The following MTMR8 variants were observed in gnomAD, a reference collection of about 807,000 sequenced individuals.
The protein encoded by MTMR8 is phosphatidylinositol-3,5-bisphosphate 3-phosphatase MTMR8.
Under a neutral mutation model 39.3 loss-of-function variants are expected in MTMR8, and 65 were observed. That is an observed-to-expected ratio of 1.65 (90% CI 1.35 to 2.03). The LOEUF is 2.03. Among genes scored for constraint, MTMR8 ranks in the 30% most tolerant of loss-of-function variants. The probability of loss-of-function intolerance (pLI) is 0.00; values close to 1 mark genes in which losing one functional copy is unlikely to be tolerated. For missense variants in MTMR8, 777 were observed against 538.9 expected (o/e 1.44, Z -4.37); for synonymous variants, 245 against 185.2 (o/e 1.32, Z -2.62).
chrX:64,293,486 G>A (rs1179108952), intron 12 of MTMR8, among the ~76,000 whole-genome samples: 1 of 111,331 alleles, frequency 9.0e-6, no homozygotes, highest in African/African-American at 3.3e-5. Flanking sequence ...CATTGGTGAA[G>A]CAAGTATTAA....
At chrX:64,354,670 G>C in intron 4 of MTMR8, 107 bp downstream of exon 4, 11 of 797,461 alleles carry the variant, frequency 1.4e-5, no homozygotes, top group Non-Finnish European at 1.8e-5. Context: ...GAATGGAAAG[G>C]AGAGAGAGAT....
chrX:64,366,795 A>C, intron 1 of MTMR8, among the ~76,000 whole-genome samples: 1 of 111,826 alleles, frequency 8.9e-6, no homozygotes, highest in Non-Finnish European at 1.9e-5. Flanking sequence ...AAAAAACTTC[A>C]AAAAAATCAA....
At chrX:64,326,291 C>T (rs774725837) in intron 12 of MTMR8, among the ~76,000 whole-genome samples, 1 of 110,696 alleles carries the variant, frequency 9.0e-6, no homozygotes, top group Admixed American at 9.7e-5. Flanking sequence ...GTTTAAGGGT[C>T]CACCATATAC....
Position 64,380,984 on chromosome X carries a change from A to C in MTMR8, c.24+14356T>G, listed in dbSNP as rs772564517. 9.8e-5 allele frequency among the ~76,000 whole-genome samples: 11 copies of C among 112,033 alleles called. No individual in the cohort carries two copies. The South Asian group carries it at 1.1e-3, about 11-fold the overall frequency. On this transcript the variant is annotated intron_variant, in intron 1 of 13. Transcript: ENST00000374852. ...GTATATGTGCCACATTTTCTTAATC[A>C]AGTCTATCATTGTTGGACATTTGGC... is the stretch of plus-strand genomic sequence containing the variant.
At chrX:64,359,905 G>A (rs1204079961) in intron 1 of MTMR8, among the ~76,000 whole-genome samples, 6 of 90,348 alleles carry the variant, frequency 6.6e-5, no homozygotes, top group Admixed American at 6.0e-4. Context: ...TAGATCTTAC[G>A]TTACAGGGCA....
chrX:64,371,071 CACTTGAA>C (rs1924120047), intron 1 of MTMR8, among the ~76,000 whole-genome samples: 1 of 111,765 alleles, frequency 8.9e-6, no homozygotes, highest in East Asian at 2.8e-4. Context: ...TCAGAAGGAT[CACTTGAA>C]CTCAGGAGTT....
At chrX:64,302,521 G>A (rs1370434794) in intron 12 of MTMR8, among the ~76,000 whole-genome samples, 2 of 111,923 alleles carry the variant, frequency 1.8e-5, no homozygotes, top group Non-Finnish European at 3.8e-5. Context: ...GAAATCACCC[G>A]TCTTATGCGT....
chrX:64,285,623 GTC>G (rs1921138254), intron 12 of MTMR8, among the ~76,000 whole-genome samples: 1 of 111,519 alleles, frequency 9.0e-6, no homozygotes, highest in Non-Finnish European at 1.9e-5. Context: ...AACAAATTTT[GTC>G]TCTCAGACCA....
intron 10 of MTMR8, among the ~76,000 whole-genome samples, chrX:64,332,204 T>G (rs1922961519): frequency 8.9e-6 from 1 of 112,444 alleles, no homozygotes; most frequent in Non-Finnish European, 1.9e-5. Flanking sequence ...TATTGTTTAC[T>G]GCATAGTGCC....
chrX:64,285,805 C>G (rs1921148381), intron 12 of MTMR8, among the ~76,000 whole-genome samples: 1 of 110,997 alleles, frequency 9.0e-6, no homozygotes, highest in African/African-American at 3.3e-5. Flanking sequence ...ATACCAGAAT[C>G]TCTGGGACAC....
intron 1 of MTMR8, among the ~76,000 whole-genome samples, chrX:64,369,563 A>G (rs1924073040): frequency 9.0e-6 from 1 of 110,780 alleles, no homozygotes; most frequent in East Asian, 2.9e-4. Flanking sequence ...GAATTGAACA[A>G]TGAGAACACT....
At chrX:64,380,943 C>A (rs764249834) in intron 1 of MTMR8, among the ~76,000 whole-genome samples, 1 of 111,970 alleles carries the variant, frequency 8.9e-6, no homozygotes, top group Non-Finnish European at 1.9e-5. Context: ...TTTAGGGCTG[C>A]GTAGTATTCC....
intron 1 of MTMR8, among the ~76,000 whole-genome samples, chrX:64,369,026 T>G (rs896521208): frequency 2.7e-5 from 3 of 112,402 alleles, no homozygotes; most frequent in African/African-American, 9.7e-5. Flanking sequence ...TCATCACTGG[T>G]CATCAAAGAA....
At chrX:64,292,574 G>C (rs1363520035) in intron 12 of MTMR8, among the ~76,000 whole-genome samples, 1 of 110,536 alleles carries the variant, frequency 9.0e-6, no homozygotes, top group Non-Finnish European at 1.9e-5. Flanking sequence ...TCATGCTAGG[G>C]ACTAGGATCA....
intron 1 of MTMR8, among the ~76,000 whole-genome samples, chrX:64,384,412 C>G (rs1033941250): frequency 7.2e-5 from 8 of 111,650 alleles, no homozygotes; most frequent in African/African-American, 2.3e-4. Context: ...GGTGGAGACT[C>G]TGTGTGTAGG....
chrX:64,354,333 A>G lies in MTMR8; in HGVS notation c.468+444T>C, dbSNP rs1038696720. Among the ~76,000 whole-genome samples, 9 of 111,252 alleles carry G rather than the reference A, an allele frequency of 8.1e-5. No homozygotes were observed. In the East Asian group the frequency reaches 2.6e-3, roughly 32 times the overall value. ...ATTGGAATGTTCCTAACACAAATAAATGATAAATACTTGTGGTGATGGATA... is the reference window on the plus strand; with the variant it reads ...ATTGGAATGTTCCTAACACAAATAAGTGATAAATACTTGTGGTGATGGATA... On this transcript the variant is annotated intron_variant, in intron 4 of 13. Coordinates refer to ENST00000374852, the MANE Select transcript of MTMR8 (RefSeq NM_017677.4).
chrX:64,340,295 C>T (rs1443081565), intron 8 of MTMR8, among the ~76,000 whole-genome samples: 6 of 111,942 alleles, frequency 5.4e-5, no homozygotes, highest in African/African-American at 1.9e-4. Context: ...ATAAAAAGTC[C>T]AAAGAACTGT....
chrX:64,296,187 T>C (rs1921573663), intron 12 of MTMR8, among the ~76,000 whole-genome samples: 1 of 111,854 alleles, frequency 8.9e-6, no homozygotes, highest in Admixed American at 9.5e-5. Context: ...CTATGCTAAG[T>C]GACATAAGCC....
At chrX:64,274,775 G>A (rs1026839030) in intron 12 of MTMR8, among the ~76,000 whole-genome samples, 4 of 111,741 alleles carry the variant, frequency 3.6e-5, no homozygotes, top group Non-Finnish European at 7.5e-5. Context: ...AGGAACCGGA[G>A]GACACTATGT....
Sources: allele counts gnomAD v4.1 joint callset (sites outside exome capture counted in the v4.1 genomes callset), GRCh38; gene constraint gnomAD v4.1.1; transcripts MANE v1.5; gene names NCBI Gene and HGNC (gene_info 2026-07-23, HGNC 2026-07-21).